Variants in TAS1R2 observed in about 807,000 individuals in gnomAD.
The protein encoded by TAS1R2 is taste receptor type 1 member 2.
A neutral mutation model predicts 49.3 loss-of-function variants in TAS1R2; 47 were observed. That is an observed-to-expected ratio of 0.95 (90% CI 0.75 to 1.22). The LOEUF (loss-of-function observed/expected upper bound fraction) is 1.22. Among genes scored for constraint, TAS1R2 ranks in the 50% most tolerant of loss-of-function variants. The pLI is 0.00. For synonymous variants in TAS1R2, 479 were observed against 467.9 expected (o/e 1.02, Z -0.31); for missense variants, 1,155 against 1,122.1 (o/e 1.03, Z -0.42).
Position 18,854,137 on chromosome 1 carries a change from TCA to T in TAS1R2, c.1257+74_1257+75del. ...GGAAGAATGGGATACTCATGCCCTTTCACACCCATTTGCCCAGAACCCCAGGG... is the reference window on the plus strand; with the variant it reads ...GGAAGAATGGGATACTCATGCCCTTTCACCCATTTGCCCAGAACCCCAGGG... On this transcript the variant is annotated intron_variant, in intron 3 of 5. Transcript: ENST00000375371. This position sits in a 1 kb window ranked among gnomAD's most constrained non-coding sequence, Gnocchi z 4.9. 7.0e-7 allele frequency: 1 copy of T among 1,422,566 alleles called. No individual in the cohort carries two copies. Among genetic ancestry groups the T allele is most frequent in the Non-Finnish European group, 9.6e-7 (1 of 1,042,430 alleles). 88.1% of individuals were successfully genotyped at this position (1,422,566 alleles called of 1,614,324 possible).
chr1:18,856,077 C>T (rs111547544), intron 2 of TAS1R2, among the ~76,000 whole-genome samples: 34 of 152,312 alleles, frequency 2.2e-4, no homozygotes, highest in Middle Eastern at 3.4e-3. Context: ...CTCAGAACTC[C>T]TCAACAGCTC....
In TAS1R2 at chr1:18,847,879, T is replaced by C. The variant is rs147553747; in HGVS notation, c.1467+1462A>G. Among the ~76,000 whole-genome samples the C allele has an allele frequency of 5.3e-3, 814 of 152,336 alleles. 10 individuals carry two copies. The highest frequency in any genetic ancestry group is 0.018 in the African/African-American group (761 of 41,570). ...CATGGCTGGGGAGGCCTCACAATCATGGCAGAAGGCAAGGAGAAGCAAGTC... is the reference window on the plus strand; with the variant it reads ...CATGGCTGGGGAGGCCTCACAATCACGGCAGAAGGCAAGGAGAAGCAAGTC... On this transcript the variant is annotated intron_variant, in intron 4 of 5. Transcript: ENST00000375371.
exon 2 of TAS1R2, chr1:18,857,523 C>A: frequency 1.9e-6 from 3 of 1,614,204 alleles, no homozygotes; most frequent in Non-Finnish European, 2.5e-6. Flanking sequence ...CATCCACGAT[C>A]TCATAGCCCA....
At chr1:18,848,347 A>G (rs1470761387) in intron 4 of TAS1R2, among the ~76,000 whole-genome samples, 41 of 151,782 alleles carry the variant, frequency 2.7e-4, no homozygotes. Flanking sequence ...GGCCTGGCAC[A>G]CACATGTTCA....
In TAS1R2 at chr1:18,854,746, T is replaced by A; in HGVS notation, c.724A>T (p.Thr242Ser). The A allele has an allele frequency of 6.2e-7, 1 of 1,611,610 alleles. No homozygotes were observed. ...GTCATGTTCTGGTTGGGCTGCAGTG[T>A]GGGCAGCGTCTCCTGGAAGGCGATG... The change falls in exon 3 of 6, where the codon ACA becomes TCA. Residue 242 changes from threonine (T) to serine (S), a missense_variant. By Grantham distance (58) the Thr-to-Ser change is moderately conservative. Coordinates refer to ENST00000375371, the Ensembl canonical transcript of TAS1R2. The surrounding 1 kb of genome is among the most constrained non-coding windows in gnomAD (Gnocchi z 4.9).
At chr1:18,839,959 A>G in exon 6 of TAS1R2, 1 of 1,614,178 alleles carries the variant, frequency 6.2e-7, no homozygotes, top group Non-Finnish European at 8.5e-7. Context: ...AGTTGGGGTT[A>G]CAGGAGACAA....
intron 4 of TAS1R2, 89 bp from the exon 5 acceptor site, chr1:18,841,941 G>A: frequency 3.7e-6 from 5 of 1,363,264 alleles, no homozygotes; most frequent in Admixed American, 2.4e-5. Flanking sequence ...ATGTTCAGGG[G>A]AGGAAGCCTA....
chr1:18,853,150 G>T (rs772161207), intron 3 of TAS1R2, among the ~76,000 whole-genome samples: 6 of 152,182 alleles, frequency 3.9e-5, no homozygotes, highest in African/African-American at 1.4e-4. Flanking sequence ...GAGCGATCAC[G>T]GGCTAGTCAC....
At chr1:18,852,704 T>G (rs1173980295) in intron 3 of TAS1R2, among the ~76,000 whole-genome samples, 1 of 152,096 alleles carries the variant, frequency 6.6e-6, no homozygotes, top group African/African-American at 2.4e-5. Flanking sequence ...TCTTCACCAC[T>G]CAAGCCCAGT....
rs570160238 is a variant in TAS1R2 at position 18,859,037 on chromosome 1, C to T, written c.182+442G>A. ...GGAGGAGGTGGGGGAAGAGGAACTT[C>T]CCTCTCGGCCCAAAAGCACCCCTAC... is the stretch of plus-strand genomic sequence containing the variant. On this transcript the variant is annotated intron_variant, in intron 1 of 5. Coordinates refer to ENST00000375371, the Ensembl canonical transcript of TAS1R2. Among the ~76,000 whole-genome samples the T allele has an allele frequency of 6.4e-4, 98 of 152,296 alleles. 2 individuals are homozygous for T. Among genetic ancestry groups the T allele is most frequent in the Admixed American group, 6.4e-3 (98 of 15,292 alleles).
At chr1:18,841,384 CCATT>C (rs756922245) in intron 5 of TAS1R2, among the ~76,000 whole-genome samples, 6 of 152,320 alleles carry the variant, frequency 3.9e-5, no homozygotes, top group South Asian at 4.1e-4. Flanking sequence ...ATTGCAAATA[CCATT>C]CATTCATTCA....
At chr1:18,849,637 C>T in intron 3 of TAS1R2, 87 bp from the exon 4 acceptor site, 1 of 1,444,874 alleles carries the variant, frequency 6.9e-7, no homozygotes, top group Admixed American at 1.8e-5. Context: ...TTCTACCATT[C>T]CATTAGCCTT....
chr1:18,849,056 T>C (rs184529957), intron 4 of TAS1R2, among the ~76,000 whole-genome samples: 21 of 152,220 alleles, frequency 1.4e-4, no homozygotes, highest in African/African-American at 4.6e-4. Context: ...GATGTGAGAA[T>C]TGAAATCATT....
At chr1:18,843,652 T>A (rs770788076) in intron 4 of TAS1R2, among the ~76,000 whole-genome samples, 6 of 152,214 alleles carry the variant, frequency 3.9e-5, no homozygotes, top group Non-Finnish European at 7.3e-5. Flanking sequence ...GGAGATCTGA[T>A]GATGTTTGAG....
At chr1:18,858,006 C>T (rs1934171887) in intron 1 of TAS1R2, among the ~76,000 whole-genome samples, 1 of 151,510 alleles carries the variant, frequency 6.6e-6, no homozygotes, top group African/African-American at 2.4e-5. Flanking sequence ...CCACCAGGGC[C>T]ATCACTGTCA....
At position 18,842,997 on chromosome 1, in the gene TAS1R2, C is replaced by G. The variant is rs920151942; in HGVS notation, c.1468-1145G>C. Among the ~76,000 whole-genome samples, 9 of 152,236 alleles carry G rather than the reference C, an allele frequency of 5.9e-5. No homozygotes were observed. The East Asian group carries it at 1.7e-3, about 29-fold the overall frequency. On this transcript the variant is annotated intron_variant, in intron 4 of 5. Transcript: ENST00000375371. ...TTAATGTACCAAAATTAATGGGGTA[C>G]AGTGAAAACAATACTTAAGAGGGAA...
At chr1:18,849,202 A>C in intron 4 of TAS1R2, 139 bp downstream of exon 4, 1 of 910,512 alleles carries the variant, frequency 1.1e-6, no homozygotes, top group Non-Finnish European at 1.6e-6. Flanking sequence ...CCCAGACGAT[A>C]CACCCACAAA....
Position 18,857,640 on chromosome 1 carries a change from G to T in TAS1R2, c.183-9C>A. ...TCACCTTCACTTCATACCTGGAGGGGCCACAGCATCATGAGGTGGAAGCAG... is the reference window on the plus strand; with the variant it reads ...TCACCTTCACTTCATACCTGGAGGGTCCACAGCATCATGAGGTGGAAGCAG... On this transcript the variant is annotated splice_polypyrimidine_tract_variant and intron_variant, in intron 1 of 5. Coordinates refer to ENST00000375371, the Ensembl canonical transcript of TAS1R2. The T allele has an allele frequency of 1.9e-6, 3 of 1,607,564 alleles. No homozygotes were observed. Among genetic ancestry groups the T allele is most frequent in the East Asian group, 4.5e-5 (2 of 44,776 alleles).
At chr1:18,848,704 C>A (rs1343376123) in intron 4 of TAS1R2, among the ~76,000 whole-genome samples, 1 of 152,146 alleles carries the variant, frequency 6.6e-6, no homozygotes, top group Non-Finnish European at 1.5e-5. Context: ...CATAGGAGCA[C>A]AAACCCTATT....
Sources: allele counts gnomAD v4.1 joint callset (sites outside exome capture counted in the v4.1 genomes callset), GRCh38; gene constraint gnomAD v4.1.1; non-coding constraint Gnocchi (gnomAD v3.1); transcripts MANE v1.5; gene names NCBI Gene and HGNC (gene_info 2026-07-23, HGNC 2026-07-21).